The following PTPRN variants were observed in gnomAD, a reference collection of about 807,000 sequenced individuals.
The protein encoded by PTPRN is protein tyrosine phosphatase receptor type N.
Under a neutral mutation model 108.5 loss-of-function variants are expected in PTPRN, and 70 were observed. That is an observed-to-expected ratio of 0.65 (90% CI 0.53 to 0.79). The LOEUF (loss-of-function observed/expected upper bound fraction) is 0.79. Among genes scored for constraint, PTPRN ranks in the 30% least tolerant of loss-of-function variants. PTPRN has a pLI of 0.00. For synonymous variants in PTPRN, 496 were observed against 524.6 expected (o/e 0.95, Z 0.75); for missense variants, 1,136 against 1,295.5 (o/e 0.88, Z 1.89).
chr2:219,309,241 C>T lies in PTPRN; in HGVS notation c.92G>A (p.Gly31Asp), dbSNP rs1192655514. 3 of 1,537,102 alleles carry T rather than the reference C, an allele frequency of 2.0e-6. No homozygotes were observed. Among genetic ancestry groups the T allele is most frequent in the East Asian group, 4.9e-5 (2 of 41,172 alleles). Residue 31 changes from glycine (G) to aspartate (D), a missense_variant, in exon 1 of 23, where the codon GGC (glycine) becomes GAC (aspartate). Coordinates refer to ENST00000295718, the MANE Select transcript of PTPRN (RefSeq NM_002846.4). ...CLLLLSSRPG[G>D]CSAVSAHGCL... is the part of the protein sequence containing the mutation. ...ACCGTGGGCACTAACGGCGCTGCAG[C>T]CCCCCGGGCGGCTGCTCAGCAGCAG...
chr2:219,301,255 A>T (rs1034609512), intron 7 of PTPRN, among the ~76,000 whole-genome samples: 1 of 152,122 alleles, frequency 6.6e-6, no homozygotes, highest in African/African-American at 2.4e-5. Context: ...CCCATCAATT[A>T]CTGGCTTCTT....
intron 19 of PTPRN, 132 bp from the exon 20 acceptor site, chr2:219,291,655 G>C (rs1952058157): frequency 2.1e-6 from 2 of 951,362 alleles, no homozygotes; most frequent in Admixed American, 2.2e-5. Context: ...AAGATGGTTG[G>C]AGAAAGGAGC....
intron 12 of PTPRN, 91 bp downstream of exon 12, chr2:219,298,956 G>A (rs932876443): frequency 6.8e-7 from 1 of 1,476,716 alleles, no homozygotes; most frequent in Non-Finnish European, 9.5e-7. Flanking sequence ...GACACGTTTC[G>A]GCTCCAGTTC....
intron 19 of PTPRN, chr2:219,292,832 GCA>G (rs1260186411): frequency 7.9e-5 from 12 of 152,206 alleles, no homozygotes; most frequent in Non-Finnish European, 1.6e-4. Context: ...ATCAGCCATT[GCA>G]ATAGATTCTC....
At chr2:219,306,218 C>T (rs1056062879) in intron 3 of PTPRN, among the ~76,000 whole-genome samples, 3 of 152,090 alleles carry the variant, frequency 2.0e-5, no homozygotes, top group Admixed American at 1.3e-4. Context: ...TCTTTATAAC[C>T]ATATCCAATA....
At chr2:219,293,424 C>T (rs1255539417) in intron 19 of PTPRN, among the ~76,000 whole-genome samples, 1 of 152,126 alleles carries the variant, frequency 6.6e-6, no homozygotes, top group Non-Finnish European at 1.5e-5. Context: ...AAGTGATCCA[C>T]CCACCTCGGC....
At position 219,302,429 on chromosome 2, in the gene PTPRN, G is replaced by A. The variant is rs748489217; in HGVS notation, c.702C>T (p.Pro234=). The part of the protein sequence containing the change: ...EGSPGMVSVG[P]LPKAEAPALF... Reference sequence around the variant, plus strand: ...GGGCAGGGGCTTCAGCCTTGGGCAGGGGGCCGACACTGACCATCCCTGGGG... The same window carrying A: ...GGGCAGGGGCTTCAGCCTTGGGCAGAGGGCCGACACTGACCATCCCTGGGG... The change falls in exon 6 of 23, where the codon CCC becomes CCT. Residue 234 remains proline (P), a synonymous_variant. Coordinates refer to ENST00000295718, the MANE Select transcript of PTPRN (RefSeq NM_002846.4). 7.4e-6 allele frequency: 12 copies of A among 1,614,078 alleles called. No individual in the cohort carries two copies. Among genetic ancestry groups the A allele is most frequent in the Non-Finnish European group, 1.0e-5 (12 of 1,180,008 alleles).
rs770393940 is a variant in PTPRN at position 219,299,106 on chromosome 2, C to T, written c.1609G>A (p.Val537Met). 8.7e-6 allele frequency: 14 copies of T among 1,614,264 alleles called. No individual in the cohort carries two copies. Among genetic ancestry groups the T allele is most frequent in the Non-Finnish European group, 1.2e-5 (14 of 1,180,038 alleles). ...LADVTQQAGL[V>M]KSELEAQTGL... is the part of the protein sequence containing the mutation. ...GTCTGTGCTTCCAGTTCAGACTTCA[C>T]CAGCCCTGCAGGGAGGACAAAGGTC... The change falls in exon 12 of 23, where the codon GTG (valine) becomes ATG (methionine). Residue 537 changes from valine (V) to methionine (M), a missense_variant. Transcript: ENST00000295718.
Position 219,300,315 on chromosome 2 carries a change from C to T in PTPRN, c.1162-56G>A. 4 of 1,497,890 alleles carry T rather than the reference C, an allele frequency of 2.7e-6. No individual in the cohort carries two copies. The South Asian group carries it at 4.1e-5, about 15-fold the overall frequency. The allele number at this position is 1,497,890 out of a possible 1,614,324, so 92.8% of individuals were successfully genotyped here. A position where few individuals can be genotyped will look rare whatever the true frequency, so the allele number is the denominator to read the frequency against. The stretch of plus-strand genomic sequence containing the variant: ...TGGACAGTGCTGGGGGAAGGGGTAC[C>T]CTGGACTCGGAGCTCTCCACAGTGG... On this transcript the variant is annotated intron_variant, in intron 8 of 22. Coordinates refer to ENST00000295718, the MANE Select transcript of PTPRN (RefSeq NM_002846.4).
At chr2:219,294,183 G>A (rs1352141158) in intron 19 of PTPRN, 6 of 502,054 alleles carry the variant, frequency 1.2e-5, no homozygotes, top group Non-Finnish European at 2.5e-5. Flanking sequence ...TCACAAAAAT[G>A]ACACTGGCAG....
Position 219,290,735 on chromosome 2 carries a change from A to G in PTPRN, c.2794+91T>C, listed in dbSNP as rs1952034125. ...GCTGGGCAGAGCCTGGAGGTTGACA[A>G]CCTGCTCCTTCTGAGCTCCCAGGAC... On this transcript the variant is annotated intron_variant, in intron 21 of 22. Transcript: ENST00000295718. The surrounding 1 kb of genome is among the most constrained non-coding windows in gnomAD (Gnocchi z 4.2). The G allele has an allele frequency of 6.6e-7, 1 of 1,522,232 alleles. No individual in the cohort carries two copies. The highest frequency in any genetic ancestry group is 1.4e-5 in the African/African-American group (1 of 72,676). The allele number at this position is 1,522,232 out of a possible 1,614,324, so 94.3% of individuals were successfully genotyped here.
rs1952304141 is a variant in PTPRN at position 219,300,081 on chromosome 2, T to C, written c.1340A>G (p.Lys447Arg). 2 of 1,614,078 alleles carry C rather than the reference T, an allele frequency of 1.2e-6. No homozygotes were observed. The highest frequency in any genetic ancestry group is 1.7e-5 in the Admixed American group (1 of 60,006). The change falls in exon 9 of 23, where the codon AAG (lysine) becomes AGG (arginine). Residue 447 changes from lysine to arginine, a missense_variant. Transcript: ENST00000295718. ...CTGGCTCTGGCCCAGTGGGCTTTTC[T>C]TCTCTAGCAGGACAGGTGTCACAGG... ...RPPVTPVLLEKKSPLGQSQPT... is the reference protein window; with the variant it reads ...RPPVTPVLLERKSPLGQSQPT...
chr2:219,298,342 G>A (rs908459407), intron 12 of PTPRN, among the ~76,000 whole-genome samples: 5 of 152,178 alleles, frequency 3.3e-5, no homozygotes, highest in East Asian at 1.9e-4. Flanking sequence ...ATTTAAAAAC[G>A]GACAGAGAAC....
At position 219,302,711 on chromosome 2, in the gene PTPRN, C is replaced by T. The variant is rs1559302933; in HGVS notation, c.504G>A (p.Gly168=). Residue 168 remains glycine (G), a synonymous_variant, in exon 5 of 23, where the codon GGG becomes GGA. Transcript: ENST00000295718. ...PQPPVGKGGA[G]ASSSLSPLQA... ...GCAGAGGGGACAGAGAGGAGCTGGC[C>T]CCAGCTCCACCTTTGCCCACTGGTG... is the stretch of plus-strand genomic sequence containing the variant. The T allele has an allele frequency of 6.2e-7, 1 of 1,613,282 alleles. No individual in the cohort carries two copies. Among genetic ancestry groups the T allele is most frequent in the Non-Finnish European group, 8.5e-7 (1 of 1,179,834 alleles).
chr2:219,290,256 C>T lies in PTPRN; in HGVS notation c.2910G>A (p.Val970=), dbSNP rs1412370363. 6.2e-7 allele frequency: 1 copy of T among 1,614,030 alleles called. No individual in the cohort carries two copies. Among genetic ancestry groups the T allele is most frequent in the Non-Finnish European group, 8.5e-7 (1 of 1,179,948 alleles). Residue 970 remains valine, a synonymous_variant, in exon 23 of 23, where the codon GTG becomes GTA. Transcript: ENST00000295718. The surrounding 1 kb of genome is among the most constrained non-coding windows in gnomAD (Gnocchi z 4.2). Reference sequence around the variant, plus strand: ...GGGGCAGGGCCTTGAGGATGGCATTCACTTCCTCCGCCACGGCTGTCAGGG... The same window carrying T: ...GGGGCAGGGCCTTGAGGATGGCATTTACTTCCTCCGCCACGGCTGTCAGGG... ...EFALTAVAEE[V]NAILKALPQ is the part of the protein sequence containing the mutation.
chr2:219,293,985 C>T, intron 19 of PTPRN: 1 of 451,196 alleles, frequency 2.2e-6, no homozygotes, highest in Non-Finnish European at 4.5e-6. Flanking sequence ...CCACCTGCTC[C>T]ACTGAGCCCC....
In PTPRN at chr2:219,291,459, T is replaced by C. The variant is rs1194927220; in HGVS notation, c.2729+11A>G. 6.2e-7 allele frequency: 1 copy of C among 1,613,312 alleles called. No individual in the cohort carries two copies. The highest frequency in any genetic ancestry group is 1.3e-5 in the African/African-American group (1 of 74,860). ...AGTGGGACCAGAGAGATGAATCTCC[T>C]CTCCACCCACCTGCAGTGCACGATG... On this transcript the variant is annotated intron_variant, in intron 20 of 22. Coordinates refer to ENST00000295718, the MANE Select transcript of PTPRN (RefSeq NM_002846.4).
chr2:219,308,571 CCT>C (rs1327182373), intron 1 of PTPRN, among the ~76,000 whole-genome samples: 6 of 151,812 alleles, frequency 4.0e-5, no homozygotes, highest in African/African-American at 9.7e-5. Context: ...TCCCCCACCC[CCT>C]GTCCGTGAGT....
intron 3 of PTPRN, 33 bp from the exon 4 acceptor site, chr2:219,303,864 A>G (rs1227011723): frequency 1.9e-6 from 3 of 1,554,546 alleles, no homozygotes; most frequent in African/African-American, 1.4e-5. Flanking sequence ...AAGTTGGTTC[A>G]GGAGTCTGGG....
Sources: allele counts gnomAD v4.1 joint callset (sites outside exome capture counted in the v4.1 genomes callset), GRCh38; gene constraint gnomAD v4.1.1; non-coding constraint Gnocchi (gnomAD v3.1); transcripts MANE v1.5; gene names NCBI Gene and HGNC (gene_info 2026-07-23, HGNC 2026-07-21).